The following MSH3 variants were observed in gnomAD, a reference collection of about 807,000 sequenced individuals.
MSH3 encodes DNA mismatch repair protein Msh3.
In MSH3, 106 loss-of-function variants were observed where a neutral mutation model predicts 123.3. The ratio of observed to expected loss-of-function variants is 0.86; its 90% CI spans 0.73 to 1.01. MSH3 has a LOEUF of 1.01. Among genes scored for constraint, MSH3 ranks in the 50% least tolerant of loss-of-function variants. MSH3 has a pLI of 0.00. For synonymous variants in MSH3, 515 were observed against 481.4 expected (o/e 1.07, Z -0.91); for missense variants, 1,459 against 1,347.6 (o/e 1.08, Z -1.29).
intron 10 of MSH3, among the ~76,000 whole-genome samples, chr5:80,731,410 A>G (rs1001121927): frequency 6.6e-5 from 10 of 152,168 alleles, no homozygotes; most frequent in South Asian, 2.1e-4. Flanking sequence ...CATCTAATCT[A>G]CCTGTTGGGT....
At chr5:80,768,415 G>C (rs1340475113) in intron 14 of MSH3, among the ~76,000 whole-genome samples, 1 of 152,070 alleles carries the variant, frequency 6.6e-6, no homozygotes. Flanking sequence ...ACCCCAAAAT[G>C]AGTGTCAGAT....
At chr5:80,844,170 C>T (rs1278902049) in intron 20 of MSH3, among the ~76,000 whole-genome samples, 6 of 152,006 alleles carry the variant, frequency 3.9e-5, no homozygotes, top group Non-Finnish European at 5.9e-5. Flanking sequence ...AGTAGTCATT[C>T]AGGAGCAGGT....
At chr5:80,668,873 C>T (rs1580549259) in intron 3 of MSH3, among the ~76,000 whole-genome samples, 2 of 152,306 alleles carry the variant, frequency 1.3e-5, no homozygotes, top group East Asian at 3.9e-4. Context: ...GCGTGAGGCT[C>T]TCACCCTGCC....
intron 11 of MSH3, among the ~76,000 whole-genome samples, chr5:80,742,452 CAAAGT>C (rs1198477408): frequency 2.0e-5 from 3 of 152,148 alleles, no homozygotes; most frequent in African/African-American, 4.8e-5. Context: ...GTTATCCTAA[CAAAGT>C]AATAGAGATA....
chr5:80,717,211 T>C (rs1750981122), intron 8 of MSH3, among the ~76,000 whole-genome samples: 1 of 152,212 alleles, frequency 6.6e-6, no homozygotes, highest in Admixed American at 6.5e-5. Flanking sequence ...TTTGTTTCCT[T>C]TGAATGTATA....
intron 10 of MSH3, among the ~76,000 whole-genome samples, chr5:80,733,039 G>A (rs139213755): frequency 6.6e-6 from 1 of 152,042 alleles, no homozygotes; most frequent in African/African-American, 2.4e-5. Context: ...AAATTCATAG[G>A]ATTCATATCT....
At chr5:80,813,343 A>C (rs568338628) in intron 19 of MSH3, among the ~76,000 whole-genome samples, 1 of 152,250 alleles carries the variant, frequency 6.6e-6, no homozygotes, top group Non-Finnish European at 1.5e-5. Flanking sequence ...AAGCCATAGC[A>C]GTTATCCACT....
chr5:80,869,296 G>C (rs569744508), intron 22 of MSH3, among the ~76,000 whole-genome samples: 35 of 152,288 alleles, frequency 2.3e-4, no homozygotes, highest in Non-Finnish European at 3.8e-4. Context: ...TACTTCCACT[G>C]ACTCAAAGCA....
At chr5:80,737,315 C>G (rs1184385551) in intron 10 of MSH3, among the ~76,000 whole-genome samples, 1 of 151,916 alleles carries the variant, frequency 6.6e-6, no homozygotes, top group African/African-American at 2.4e-5. Context: ...GTTCTGTACC[C>G]TTGTTGCCTT....
intron 18 of MSH3, among the ~76,000 whole-genome samples, chr5:80,792,188 C>G (rs1190781129): frequency 6.6e-6 from 1 of 151,910 alleles, no homozygotes; most frequent in African/African-American, 2.4e-5. Flanking sequence ...ATAATCTGAA[C>G]TGTTATCTTT....
intron 17 of MSH3, 41 bp from the exon 18 acceptor site, chr5:80,787,524 T>C (rs368136184): frequency 4.8e-6 from 6 of 1,259,210 alleles, no homozygotes; most frequent in South Asian, 2.4e-5. Flanking sequence ...GTTTAAGATA[T>C]CAGTTTGCTC....
chr5:80,760,387 G>T (rs548003363), intron 12 of MSH3, among the ~76,000 whole-genome samples: 1 of 152,286 alleles, frequency 6.6e-6, no homozygotes, highest in Admixed American at 6.5e-5. Flanking sequence ...TAGTCCATCA[G>T]ATTTCCGTTT....
At chr5:80,696,740 A>G (rs1750491139) in intron 8 of MSH3, among the ~76,000 whole-genome samples, 1 of 152,130 alleles carries the variant, frequency 6.6e-6, no homozygotes, top group Admixed American at 6.5e-5. Flanking sequence ...TCTTCAATCA[A>G]GATCTTATTT....
In MSH3 at chr5:80,779,033, C is replaced by T. The variant is rs553569646; in HGVS notation, c.2435+197C>T. Among the ~76,000 whole-genome samples, 3 of 149,202 alleles carry T rather than the reference C, an allele frequency of 2.0e-5. No individual in the cohort carries two copies. In the South Asian group the frequency reaches 6.3e-4, roughly 31 times the overall value. On this transcript the variant is annotated intron_variant, in intron 17 of 23. Transcript: ENST00000265081. Reference sequence around the variant, plus strand: ...TTGATACTGAGTCTTGCTTTGTCACCGAGGCTGGAGTGCAGTGGCACGATC... The same window carrying T: ...TTGATACTGAGTCTTGCTTTGTCACTGAGGCTGGAGTGCAGTGGCACGATC...
At chr5:80,693,977 A>G (rs1289047397) in intron 8 of MSH3, among the ~76,000 whole-genome samples, 8 of 152,148 alleles carry the variant, frequency 5.3e-5, no homozygotes, top group African/African-American at 1.4e-4. Context: ...GAAACTTATA[A>G]AGCAATGGTA....
chr5:80,754,240 G>A (rs143628537), intron 12 of MSH3, among the ~76,000 whole-genome samples: 9 of 151,958 alleles, frequency 5.9e-5, no homozygotes, highest in East Asian at 1.9e-4. Context: ...ACTTTATCAT[G>A]TATACTTCCA....
chr5:80,836,543 C>CAAAAAAAA (rs71603568), intron 20 of MSH3, among the ~76,000 whole-genome samples: 36 of 118,800 alleles, frequency 3.0e-4, no homozygotes, highest in East Asian at 2.6e-3. Flanking sequence ...GAATATGCCA[C>CAAAAAAAA]AAAAAAAAAA....
intron 20 of MSH3, among the ~76,000 whole-genome samples, chr5:80,828,386 C>T (rs909661955): frequency 1.8e-4 from 28 of 152,156 alleles, no homozygotes; most frequent in African/African-American, 6.0e-4. Flanking sequence ...ATGACCCAGT[C>T]ACCTCTTAAA....
At chr5:80,752,392 A>G (rs245012) in intron 12 of MSH3, among the ~76,000 whole-genome samples, 52,777 of 151,682 alleles carry the variant, frequency 0.35, 9,351 homozygotes, top group East Asian at 0.59. Flanking sequence ...TTTTATCTGT[A>G]TTTTTTTCAG....
Sources: gnomAD v4.1 joint callset for allele counts (sites outside exome capture counted in the v4.1 genomes callset) on GRCh38, gnomAD v4.1.1 for gene constraint, MANE v1.5 for transcripts, NCBI Gene and HGNC (gene_info 2026-07-23, HGNC 2026-07-21) for gene names.